Variants in GSE1 observed in about 807,000 individuals in gnomAD.
GSE1 encodes Gse1 coiled-coil protein, also known as genetic suppressor element 1.
GSE1 carries 32 observed loss-of-function variants against 112.6 expected under a neutral mutation model. The observed-to-expected ratio is 0.28, with a 90% CI of 0.21 to 0.38. The LOEUF (loss-of-function observed/expected upper bound fraction) is 0.38. Among genes scored for constraint, GSE1 ranks in the 10% least tolerant of loss-of-function variants. The probability of loss-of-function intolerance (pLI) is 1.00; values close to 1 mark genes in which losing one functional copy is unlikely to be tolerated. For synonymous variants in GSE1, 1,115 were observed against 735.6 expected (o/e 1.52, Z -8.35); for missense variants, 2,348 against 1,699.2 (o/e 1.38, Z -6.71).
intron 2 of GSE1, among the ~76,000 whole-genome samples, chr16:85,537,541 G>C (rs917133587): frequency 2.0e-5 from 3 of 152,210 alleles, no homozygotes; most frequent in Admixed American, 6.5e-5. Flanking sequence ...CTGGGCTCAA[G>C]CTCCCATGGC....
intron 2 of GSE1, among the ~76,000 whole-genome samples, chr16:85,380,685 A>G (rs1039156144): frequency 1.3e-4 from 20 of 152,200 alleles, no homozygotes; most frequent in African/African-American, 4.6e-4. Flanking sequence ...AATTGGCTCC[A>G]TTTGGCGTGG....
At chr16:85,652,437 C>G (rs2051442473) in intron 3 of GSE1, among the ~76,000 whole-genome samples, 2 of 152,350 alleles carry the variant, frequency 1.3e-5, no homozygotes, top group Middle Eastern at 3.4e-3. Context: ...GACCAGCACC[C>G]TGGAGAGGCA....
chr16:85,628,605 C>T (rs572275114), intron 1 of GSE1, among the ~76,000 whole-genome samples: 1 of 152,196 alleles, frequency 6.6e-6, no homozygotes. Flanking sequence ...AGGGACACCC[C>T]AGTTCCCTCC....
Position 85,672,290 on chromosome 16 carries a change from C to T in GSE1, c.3520-115C>T, listed in dbSNP as rs771226357. ...GATTACAGGCGTGAGCCACCACGCC[C>T]GGCCGGGACATTTTCAAATGTAGGT... On this transcript the variant is annotated intron_variant, in intron 15 of 15. Coordinates refer to ENST00000253458, the MANE Select transcript of GSE1 (RefSeq NM_014615.5). The T allele has an allele frequency of 5.4e-5, 42 of 775,982 alleles. 1 individual carries two copies. The highest frequency in any genetic ancestry group is 3.1e-4 in the Middle Eastern group (1 of 3,254). 48.1% of individuals were successfully genotyped at this position (775,982 alleles called of 1,614,324 possible).
intron 1 of GSE1, among the ~76,000 whole-genome samples, chr16:85,585,406 G>A (rs1294535168): frequency 6.6e-6 from 1 of 152,234 alleles, no homozygotes; most frequent in Non-Finnish European, 1.5e-5. Flanking sequence ...AGGGTGCCCA[G>A]GCATGACCCC....
chr16:85,289,942 G>A (rs2045157722), intron 1 of GSE1, among the ~76,000 whole-genome samples: 1 of 152,188 alleles, frequency 6.6e-6, no homozygotes, highest in African/African-American at 2.4e-5. Context: ...CATTAGATCT[G>A]GCTGGAGCCC....
chr16:85,342,947 A>G (rs1453486160), intron 1 of GSE1, among the ~76,000 whole-genome samples: 2 of 151,836 alleles, frequency 1.3e-5, no homozygotes, highest in Non-Finnish European at 2.9e-5. Context: ...CAGCAGAGAA[A>G]GCCGGGCACA....
In GSE1 at chr16:85,657,708, C is replaced by T. The variant is rs71389141; in HGVS notation, c.1640+104C>T. ...TGCCCAACATCCTGCCCCAGCGTTT[C>T]TGCCTGCCTCTTTCATTTCTGTTCT... On this transcript the variant is annotated intron_variant, in intron 8 of 15. Transcript: ENST00000253458. 886 of 715,666 alleles carry T rather than the reference C, an allele frequency of 1.2e-3. 2 individuals are homozygous for T. The highest frequency in any genetic ancestry group is 2.6e-3 in the Admixed American group (69 of 26,678). 44.3% of individuals were successfully genotyped at this position (715,666 alleles called of 1,614,324 possible). A position where few individuals can be genotyped will look rare whatever the true frequency, so the allele number is the denominator to read the frequency against.
intron 1 of GSE1, among the ~76,000 whole-genome samples, chr16:85,216,614 T>C (rs1296597803): frequency 1.3e-5 from 2 of 152,206 alleles, no homozygotes; most frequent in South Asian, 2.1e-4. Flanking sequence ...ACTTTTCTTA[T>C]CTCCCTGGGA....
At chr16:85,370,622 TCC>T (rs2047276574) in intron 2 of GSE1, among the ~76,000 whole-genome samples, 3 of 149,732 alleles carry the variant, frequency 2.0e-5, no homozygotes, top group South Asian at 2.2e-4. Context: ...CTTCTCTCCC[TCC>T]CTCCTTCTCT....
At chr16:85,179,465 A>C (rs1306460171) in intron 1 of GSE1, among the ~76,000 whole-genome samples, 2 of 152,124 alleles carry the variant, frequency 1.3e-5, no homozygotes, top group Non-Finnish European at 2.9e-5. Context: ...GTGAACACGC[A>C]TGGGCAAGTG....
chr16:85,286,819 T>G (rs1431139002), intron 1 of GSE1, among the ~76,000 whole-genome samples: 18 of 152,218 alleles, frequency 1.2e-4, no homozygotes, highest in Admixed American at 1.2e-3. Flanking sequence ...GTGGGATGTT[T>G]TCTTCCCTGT....
At chr16:85,554,814 G>A (rs1467750444), upstream of GSE1, 1 of 884,438 alleles carries the variant, frequency 1.1e-6, no homozygotes, top group Non-Finnish European at 1.3e-6. Context: ...CGGGCGGGCG[G>A]GCGGCCAGAG....
chr16:85,395,378 G>A (rs1048675641), intron 2 of GSE1, among the ~76,000 whole-genome samples: 1 of 152,210 alleles, frequency 6.6e-6, no homozygotes. Context: ...GGCTCCTCAT[G>A]TGAGAAGGAC....
At chr16:85,265,440 C>T (rs544245224) in intron 1 of GSE1, among the ~76,000 whole-genome samples, 1 of 152,202 alleles carries the variant, frequency 6.6e-6, no homozygotes, top group African/African-American at 2.4e-5. Flanking sequence ...CGCTAATGCA[C>T]CCTGTGGACC....
chr16:85,578,624 G>A (rs1168854960), intron 1 of GSE1, among the ~76,000 whole-genome samples: 1 of 152,220 alleles, frequency 6.6e-6, no homozygotes, highest in African/African-American at 2.4e-5. Flanking sequence ...GGTGGTAGAT[G>A]CAGGAATCTA....
chr16:85,444,389 C>T (rs1394306377), intron 2 of GSE1, among the ~76,000 whole-genome samples: 1 of 152,162 alleles, frequency 6.6e-6, no homozygotes, highest in Non-Finnish European at 1.5e-5. Flanking sequence ...AGAGAGATGG[C>T]AGGAAGTTCA....
At chr16:85,290,035 TG>T (rs1227742775) in intron 1 of GSE1, among the ~76,000 whole-genome samples, 1 of 152,144 alleles carries the variant, frequency 6.6e-6, no homozygotes, top group African/African-American at 2.4e-5. Context: ...GCAGAGGTCT[TG>T]GGTGCAGAAC....
exon 1 of GSE1, chr16:85,169,998 C>T (rs913675328): frequency 9.1e-6 from 9 of 984,152 alleles, no homozygotes; most frequent in African/African-American, 8.8e-5. Context: ...ACGGTGGCGG[C>T]CCCCGGCTGC....
Sources: allele counts gnomAD v4.1 joint callset (sites outside exome capture counted in the v4.1 genomes callset), GRCh38; gene constraint gnomAD v4.1.1; transcripts MANE v1.5; gene names NCBI Gene and HGNC (gene_info 2026-07-23, HGNC 2026-07-21).